THADA: variants seen among roughly 807,000 people sequenced by gnomAD.
The protein encoded by THADA is THADA armadillo repeat containing, also known as tRNA (32-2'-O)-methyltransferase regulator THADA.
THADA carries 213 observed loss-of-function variants against 219.8 expected under a neutral mutation model. The observed-to-expected ratio is 0.97, with a 90% CI of 0.87 to 1.09. The LOEUF is 1.09. THADA is among the 50% of genes least tolerant of loss of function. THADA has a pLI of 0.00. For synonymous variants in THADA, 1,018 were observed against 828.9 expected (o/e 1.23, Z -3.92); for missense variants, 2,956 against 2,311.3 (o/e 1.28, Z -5.72).
Position 43,327,482 on chromosome 2 carries a change from G to A in THADA, c.4344-6942C>T, listed in dbSNP as rs992776679. Reference sequence around the variant, plus strand: ...GGAGTGGGGGGAGAAGTAAAGAGGGGGGGTGGTTAGAAGAATGGGAGAGGG... The same window carrying A: ...GGAGTGGGGGGAGAAGTAAAGAGGGAGGGTGGTTAGAAGAATGGGAGAGGG... On this transcript the variant is annotated intron_variant, in intron 30 of 37. Transcript: ENST00000405975. Among the ~76,000 whole-genome samples the A allele has an allele frequency of 2.9e-5, 4 of 138,228 alleles. No homozygotes were observed. In the Admixed American group the frequency reaches 2.9e-4, roughly 10 times the overall value. The allele number at this position is 138,228 out of a possible 152,430, so 90.7% of individuals were successfully genotyped here.
At chr2:43,447,171 T>C (rs1285995777) in intron 26 of THADA, among the ~76,000 whole-genome samples, 1 of 152,062 alleles carries the variant, frequency 6.6e-6, no homozygotes, top group Non-Finnish European at 1.5e-5. Flanking sequence ...AAGCCCCTTA[T>C]AAAACCATCA....
At chr2:43,303,506 A>T (rs1319910886) in intron 31 of THADA, among the ~76,000 whole-genome samples, 1 of 152,146 alleles carries the variant, frequency 6.6e-6, no homozygotes, top group Non-Finnish European at 1.5e-5. Context: ...ATAACCCAAA[A>T]GGGAAGGCCT....
chr2:43,542,565 T>C (rs1267421115), intron 20 of THADA, among the ~76,000 whole-genome samples: 1 of 152,190 alleles, frequency 6.6e-6, no homozygotes, highest in Non-Finnish European at 1.5e-5. Context: ...CAACTAATGA[T>C]CAAACAAGAT....
At chr2:43,243,894 A>T (rs1355412166) in intron 36 of THADA, among the ~76,000 whole-genome samples, 4 of 152,196 alleles carry the variant, frequency 2.6e-5, no homozygotes, top group Non-Finnish European at 5.9e-5. Context: ...AACTCCACAG[A>T]AGTGTTACAT....
intron 29 of THADA, among the ~76,000 whole-genome samples, chr2:43,357,029 A>C (rs1275606837): frequency 6.6e-6 from 1 of 152,232 alleles, no homozygotes; most frequent in Non-Finnish European, 1.5e-5. Context: ...TGTGCTAGTA[A>C]TTCACATAAT....
intron 21 of THADA, among the ~76,000 whole-genome samples, chr2:43,531,420 A>G (rs1362578032): frequency 1.3e-5 from 2 of 152,208 alleles, no homozygotes; most frequent in Non-Finnish European, 2.9e-5. Context: ...AGGGTAAGTA[A>G]ACCTGGCTGA....
chr2:43,454,602 AAC>A (rs35970227), intron 26 of THADA, among the ~76,000 whole-genome samples: 85,788 of 148,866 alleles, frequency 0.58, 24,907 homozygotes, highest in East Asian at 0.9. Flanking sequence ...ACCCTGTCTA[AAC>A]ACACACACAC....
At chr2:43,316,215 A>T (rs1678061053) in intron 31 of THADA, among the ~76,000 whole-genome samples, 1 of 152,136 alleles carries the variant, frequency 6.6e-6, no homozygotes, top group Admixed American at 6.5e-5. Flanking sequence ...CTGTCCTCTC[A>T]AGTAGAAATG....
Position 43,293,069 on chromosome 2 carries a change from C to T in THADA, c.4583G>A (p.Trp1528Ter), listed in dbSNP as rs1475088922. 1 of 1,613,842 alleles carries T rather than the reference C, an allele frequency of 6.2e-7. No homozygotes were observed. Among genetic ancestry groups the T allele is most frequent in the African/African-American group, 1.3e-5 (1 of 74,902 alleles). Residue 1528 changes from tryptophan (W) to a stop codon, truncating the protein, a stop_gained, in exon 32 of 38, where the codon TGG becomes TAG. Coordinates refer to ENST00000405975, the MANE Select transcript of THADA (RefSeq NM_022065.5). LOFTEE classifies it high-confidence loss of function. ...SLTRLAIAAV[W>*]AAAAKSGERE... is the part of the protein sequence containing the mutation. ...CTCTCCACTCTTGGCTGCCGCGGCC[C>T]ACACTGCAGCAATGGCTAGTCTGGT...
chr2:43,429,760 T>C (rs558558115), intron 27 of THADA, among the ~76,000 whole-genome samples: 1 of 151,916 alleles, frequency 6.6e-6, no homozygotes, highest in Non-Finnish European at 1.5e-5. Flanking sequence ...ATAGCATTTT[T>C]AAAATATAAA....
At chr2:43,454,312 T>C (rs1378176107) in intron 26 of THADA, among the ~76,000 whole-genome samples, 1 of 152,096 alleles carries the variant, frequency 6.6e-6, no homozygotes, top group African/African-American at 2.4e-5. Flanking sequence ...TATAAAAACA[T>C]TAAATTAGCC....
chr2:43,558,484 G>A (rs539601198), intron 16 of THADA, among the ~76,000 whole-genome samples: 8 of 152,188 alleles, frequency 5.3e-5, no homozygotes, highest in Non-Finnish European at 7.4e-5. Context: ...AGTGGACTGG[G>A]AAAGGCAGAT....
chr2:43,285,270 T>A (rs773517125), intron 35 of THADA, among the ~76,000 whole-genome samples: 1 of 152,176 alleles, frequency 6.6e-6, no homozygotes. Context: ...CCAAATCTCA[T>A]GTTGAATTGG....
intron 37 of THADA, 148 bp downstream of exon 37, chr2:43,232,565 C>T (rs1667563643): frequency 2.4e-6 from 2 of 830,194 alleles, no homozygotes; most frequent in East Asian, 5.4e-5. Flanking sequence ...GTCCCCGTGT[C>T]CTCGGCAGCA....
chr2:43,332,033 A>C (rs1178680438), intron 30 of THADA, among the ~76,000 whole-genome samples: 1 of 152,158 alleles, frequency 6.6e-6, no homozygotes, highest in Non-Finnish European at 1.5e-5. Context: ...TTGGCAACAA[A>C]GGTACTATAC....
chr2:43,290,381 C>T (rs1437388841), intron 34 of THADA, among the ~76,000 whole-genome samples: 2 of 151,964 alleles, frequency 1.3e-5, no homozygotes, highest in African/African-American at 2.4e-5. Flanking sequence ...TCCTAGTGAC[C>T]TCCTACGTTT....
At chr2:43,334,741 C>T (rs967265036) in intron 30 of THADA, among the ~76,000 whole-genome samples, 2 of 151,670 alleles carry the variant, frequency 1.3e-5, no homozygotes, top group African/African-American at 4.8e-5. Context: ...CGCCACTGCA[C>T]TCCAGCCTGG....
intron 22 of THADA, among the ~76,000 whole-genome samples, chr2:43,515,191 A>C (rs768678938): frequency 4.7e-4 from 2 of 4,248 alleles, no homozygotes; most frequent in Non-Finnish European, 6.7e-4. Context: ...TATATAATAT[A>C]TTATATATAA....
chr2:43,293,756 T>C (rs1179866248), intron 31 of THADA, among the ~76,000 whole-genome samples: 1 of 152,230 alleles, frequency 6.6e-6, no homozygotes, highest in East Asian at 1.9e-4. Context: ...GACATTTGAT[T>C]ACAATTCTTG....
Sources: allele counts gnomAD v4.1 joint callset (sites outside exome capture counted in the v4.1 genomes callset), GRCh38; gene constraint gnomAD v4.1.1; transcripts MANE v1.5; gene names NCBI Gene and HGNC (gene_info 2026-07-23, HGNC 2026-07-21).